The following KCNAB1 variants were observed in gnomAD, a reference collection of about 807,000 sequenced individuals.
The protein encoded by KCNAB1 is voltage-gated potassium channel subunit beta-1.
KCNAB1 carries 35 observed loss-of-function variants against 64.6 expected under a neutral mutation model. That is an observed-to-expected ratio of 0.54 (90% CI 0.41 to 0.72). The LOEUF (loss-of-function observed/expected upper bound fraction) is 0.72. KCNAB1 is among the 30% of genes least tolerant of loss of function. KCNAB1 has a pLI of 0.00. For missense variants in KCNAB1, 401 were observed against 512.9 expected, an observed-to-expected ratio of 0.78 and a Z score of 2.11; for synonymous variants, 177 against 183.8, an observed-to-expected ratio of 0.96 and a Z score of 0.30.
At chr3:156,527,986 C>T (rs1054895914) in intron 12 of KCNAB1, among the ~76,000 whole-genome samples, 1 of 152,166 alleles carries the variant, frequency 6.6e-6, no homozygotes, top group African/African-American at 2.4e-5. Flanking sequence ...CAGTTGCTAC[C>T]ATGGAAGTAA....
At position 156,385,151 on chromosome 3, in the gene KCNAB1, T is replaced by C. The variant is rs193127572; in HGVS notation, c.276-36465T>C. ...TGCCAAAGTGCCAGTCAGAGTACCTTTAGGGCTTTCTAAATCTGGGGCTTT... is the reference window on the plus strand; with the variant it reads ...TGCCAAAGTGCCAGTCAGAGTACCTCTAGGGCTTTCTAAATCTGGGGCTTT... On this transcript the variant is annotated intron_variant, in intron 1 of 13. Coordinates refer to ENST00000490337, the MANE Select transcript of KCNAB1 (RefSeq NM_172160.3). 8.0e-3 allele frequency among the ~76,000 whole-genome samples: 1,220 copies of C among 152,274 alleles called. 8 individuals are homozygous for C. Among genetic ancestry groups the C allele is most frequent in the Non-Finnish European group, 0.012 (849 of 68,012 alleles).
At chr3:156,396,500 T>C (rs976771049) in intron 1 of KCNAB1, among the ~76,000 whole-genome samples, 2 of 152,220 alleles carry the variant, frequency 1.3e-5, no homozygotes, top group African/African-American at 4.8e-5. Context: ...AGCTCAATCA[T>C]GACACATCAT....
At chr3:156,432,716 C>A (rs1716309443) in intron 2 of KCNAB1, among the ~76,000 whole-genome samples, 1 of 152,162 alleles carries the variant, frequency 6.6e-6, no homozygotes, top group African/African-American at 2.4e-5. Flanking sequence ...CTTCCCATAT[C>A]TCCACCTTAT....
intron 1 of KCNAB1, among the ~76,000 whole-genome samples, chr3:156,177,946 C>T (rs1712512068): frequency 6.6e-6 from 1 of 152,014 alleles, no homozygotes; most frequent in Non-Finnish European, 1.5e-5. Flanking sequence ...CCATGTTGGT[C>T]AGGGTGGTCT....
chr3:156,533,411 A>G (rs1488035173), intron 13 of KCNAB1, among the ~76,000 whole-genome samples: 1 of 152,140 alleles, frequency 6.6e-6, no homozygotes, highest in Non-Finnish European at 1.5e-5. Flanking sequence ...AAAGACCTTG[A>G]CTTTTCCCAG....
intron 1 of KCNAB1, among the ~76,000 whole-genome samples, chr3:156,329,472 A>G (rs1316953053): frequency 6.6e-6 from 1 of 151,956 alleles, no homozygotes; most frequent in Non-Finnish European, 1.5e-5. Flanking sequence ...CCGGGAGAGA[A>G]CCCCCCAACA....
intron 1 of KCNAB1, among the ~76,000 whole-genome samples, chr3:156,309,775 CCT>C (rs1199178534): frequency 2.0e-5 from 3 of 152,286 alleles, no homozygotes; most frequent in African/African-American, 7.2e-5. Flanking sequence ...GTCCTGCTGC[CCT>C]GTTTGTGATC....
At chr3:156,203,951 T>C (rs1430415550) in intron 1 of KCNAB1, among the ~76,000 whole-genome samples, 1 of 152,224 alleles carries the variant, frequency 6.6e-6, no homozygotes, top group Non-Finnish European at 1.5e-5. Context: ...TGTTTTTCAT[T>C]TGTGCATCAG....
intron 1 of KCNAB1, among the ~76,000 whole-genome samples, chr3:156,229,903 C>T (rs1472132049): frequency 6.6e-6 from 1 of 152,000 alleles, no homozygotes; most frequent in Admixed American, 6.6e-5. Context: ...TAGGAAGAGC[C>T]TATGTCTCAA....
rs1712211937 is a variant in KCNAB1 at position 156,382,159 on chromosome 3, T to G, written c.276-39457T>G. On this transcript the variant is annotated intron_variant, in intron 1 of 13. Coordinates refer to ENST00000490337, the MANE Select transcript of KCNAB1 (RefSeq NM_172160.3). ...ATTTCCAGGTCCCATCCAGATCTAC[T>G]GAATCATAATCTCCAGAAGTGAGAT... 2.0e-5 allele frequency: 3 copies of G among 152,300 alleles called. No individual in the cohort carries two copies. The South Asian group carries it at 6.2e-4, about 32-fold the overall frequency. The allele number at this position is 152,300 out of a possible 1,614,324, so 9.4% of individuals were successfully genotyped here. A position where few individuals can be genotyped will look rare whatever the true frequency, so the allele number is the denominator to read the frequency against.
intron 1 of KCNAB1, among the ~76,000 whole-genome samples, chr3:156,254,008 T>C (rs1717969378): frequency 6.6e-6 from 1 of 152,102 alleles, no homozygotes; most frequent in Non-Finnish European, 1.5e-5. Flanking sequence ...ACAGGTATGT[T>C]CCTCTTTTCC....
intron 1 of KCNAB1, among the ~76,000 whole-genome samples, chr3:156,191,019 G>T (rs1363647320): frequency 6.6e-6 from 1 of 152,234 alleles, no homozygotes. Flanking sequence ...AGACAGAGTG[G>T]TAATATAAAG....
chr3:156,395,544 CAAAAAAAAAAAAAAAAAAA>C (rs61017269), intron 1 of KCNAB1, among the ~76,000 whole-genome samples: 880 of 25,384 alleles, frequency 0.035, 17 homozygotes, highest in Non-Finnish European at 0.074. Context: ...GACTCCGTCT[CAAAAAAAAAAAAAAAAAAA>C]AAAAAAAAAA....
At chr3:156,518,772 A>C (rs1031592532) in intron 11 of KCNAB1, among the ~76,000 whole-genome samples, 2 of 152,020 alleles carry the variant, frequency 1.3e-5, no homozygotes, top group Non-Finnish European at 2.9e-5. Flanking sequence ...TGGCCCCACT[A>C]CTCTAACAAT....
At chr3:156,389,380 C>A (rs1712851497) in intron 1 of KCNAB1, among the ~76,000 whole-genome samples, 1 of 152,212 alleles carries the variant, frequency 6.6e-6, no homozygotes, top group African/African-American at 2.4e-5. Context: ...TACTCTCACC[C>A]CAGCAAGAAG....
Position 156,514,412 on chromosome 3 carries a change from A to C in KCNAB1, c.707A>C (p.Tyr236Ser). Reference protein sequence around the residue: ...THVINQGMAMYWGTSRWSAME... With the variant: ...THVINQGMAMSWGTSRWSAME... ...GTGATAAACCAAGGCATGGCGATGT[A>C]CTGGGGCACCTCGAGATGGAGTGCT... The change falls in exon 9 of 14, where the codon TAC (tyrosine) becomes TCC (serine). Residue 236 changes from tyrosine (Y) to serine (S), a missense_variant. Coordinates refer to ENST00000490337, the MANE Select transcript of KCNAB1 (RefSeq NM_172160.3). The C allele has an allele frequency of 6.2e-7, 1 of 1,614,140 alleles. No individual in the cohort carries two copies.
chr3:156,323,514 T>C (rs888163476), intron 1 of KCNAB1, among the ~76,000 whole-genome samples: 1 of 152,194 alleles, frequency 6.6e-6, no homozygotes, highest in Non-Finnish European at 1.5e-5. Context: ...TTGACCCCCA[T>C]GTCCTAAGTC....
intron 1 of KCNAB1, among the ~76,000 whole-genome samples, chr3:156,335,518 C>T (rs2108053452): frequency 6.6e-6 from 1 of 152,334 alleles, no homozygotes; most frequent in Non-Finnish European, 1.5e-5. Flanking sequence ...CTATTTACTC[C>T]TATTGCATGT....
intron 7 of KCNAB1, 122 bp from the exon 8 acceptor site, chr3:156,474,612 C>T (rs111612746): frequency 9.8e-5 from 64 of 650,772 alleles, no homozygotes; most frequent in African/African-American, 8.3e-4. Context: ...TTGTATTCAA[C>T]GCATTTTTGA....
Sources: gnomAD v4.1 joint callset for allele counts (sites outside exome capture counted in the v4.1 genomes callset) on GRCh38, gnomAD v4.1.1 for gene constraint, MANE v1.5 for transcripts, NCBI Gene and HGNC (gene_info 2026-07-23, HGNC 2026-07-21) for gene names.